The following PRDM16 variants were observed in gnomAD, a reference collection of about 807,000 sequenced individuals.
The protein encoded by PRDM16 is PR/SET domain 16.
A neutral mutation model predicts 110.6 loss-of-function variants in PRDM16; 23 were observed. That is an observed-to-expected ratio of 0.21 (90% CI 0.15 to 0.29). PRDM16 has a LOEUF of 0.29. Among genes scored for constraint, PRDM16 ranks in the 10% least tolerant of loss-of-function variants. The probability of loss-of-function intolerance (pLI) is 1.00; values close to 1 mark genes in which losing one functional copy is unlikely to be tolerated. For missense variants in PRDM16, 1,615 were observed against 1,794.3 expected, an observed-to-expected ratio of 0.90 and a Z score of 1.81; for synonymous variants, 799 against 781.8, an observed-to-expected ratio of 1.02 and a Z score of -0.37.
chr1:3,383,818 C>T (rs1643148101), intron 3 of PRDM16, among the ~76,000 whole-genome samples: 1 of 146,576 alleles, frequency 6.8e-6, no homozygotes, highest in Non-Finnish European at 1.5e-5. Flanking sequence ...CCCGCCCAGA[C>T]ACACCTGCTC....
intron 1 of PRDM16, among the ~76,000 whole-genome samples, chr1:3,071,557 A>C (rs1641761919): frequency 6.6e-6 from 1 of 152,214 alleles, no homozygotes; most frequent in East Asian, 1.9e-4. Flanking sequence ...TCAGGATCAC[A>C]CTGCCTGCCC....
In PRDM16 at chr1:3,195,262, G is replaced by A. The variant is rs866164390; in HGVS notation, c.387+8788G>A. On this transcript the variant is annotated intron_variant, in intron 2 of 16. Transcript: ENST00000270722. ...ACAGCACAGGCTTCCCATGTCCCCC[G>A]GCACCGTGACATCAGCCCTAGACGT... 5.3e-5 allele frequency among the ~76,000 whole-genome samples: 8 copies of A among 152,292 alleles called. No homozygotes were observed. In the East Asian group the frequency reaches 5.8e-4, roughly 11 times the overall value.
intron 3 of PRDM16, among the ~76,000 whole-genome samples, chr1:3,284,939 T>C (rs1387539645): frequency 2.0e-5 from 3 of 152,200 alleles, no homozygotes. Flanking sequence ...TCCTGGGCTG[T>C]AAGCCCTGAG....
Position 3,433,785 on chromosome 1 carries a change from G to A in PRDM16, c.3805G>A (p.Ala1269Thr), listed in dbSNP as rs1283509889. Residue 1269 changes from alanine (A) to threonine (T), a missense_variant, in exon 17 of 17, where the codon GCA becomes ACA. Coordinates refer to ENST00000270722, the MANE Select transcript of PRDM16 (RefSeq NM_022114.4). ...KVTGATSESGAFHPINHL is the reference protein window; with the variant it reads ...KVTGATSESGTFHPINHL ...CACTGGAGCCACGTCGGAGTCTGGA[G>A]CATTTCACCCCATCAACCACCTCTG... is the stretch of plus-strand genomic sequence containing the variant. 4 of 1,613,584 alleles carry A rather than the reference G, an allele frequency of 2.5e-6. No individual in the cohort carries two copies. The African/African-American group carries it at 5.3e-5, about 22-fold the overall frequency.
chr1:3,426,274 C>T (rs976413749), intron 14 of PRDM16, 49 bp downstream of exon 14: 24 of 1,536,396 alleles, frequency 1.6e-5, no homozygotes, highest in Non-Finnish European at 2.1e-5. Flanking sequence ...GGCCAACAGC[C>T]CTGCGTGGCC....
At chr1:3,147,722 T>C (rs1488518053) in intron 1 of PRDM16, among the ~76,000 whole-genome samples, 1 of 152,130 alleles carries the variant, frequency 6.6e-6, no homozygotes, top group Non-Finnish European at 1.5e-5. Context: ...AGGCCATCCA[T>C]ACCCTGGGCG....
intron 3 of PRDM16, among the ~76,000 whole-genome samples, chr1:3,357,565 A>G (rs1394117965): frequency 6.6e-6 from 1 of 151,072 alleles, no homozygotes; most frequent in Non-Finnish European, 1.5e-5. Context: ...CGTTCCCCCC[A>G]CGGGCCCCCA....
chr1:3,219,932 G>A (rs1004537069), intron 2 of PRDM16, among the ~76,000 whole-genome samples: 4 of 152,322 alleles, frequency 2.6e-5, no homozygotes, highest in African/African-American at 9.6e-5. Flanking sequence ...GACCCAGACC[G>A]GCGGAGTCTC....
chr1:3,130,766 T>C (rs1643316964), intron 1 of PRDM16, among the ~76,000 whole-genome samples: 1 of 151,108 alleles, frequency 6.6e-6, no homozygotes, highest in African/African-American at 2.4e-5. Flanking sequence ...CTGCATGGCC[T>C]TTTCCTTGGT....
chr1:3,098,192 G>A (rs1352058533), intron 1 of PRDM16, among the ~76,000 whole-genome samples: 2 of 152,168 alleles, frequency 1.3e-5, no homozygotes, highest in Non-Finnish European at 1.5e-5. Flanking sequence ...GGCCCTGAGA[G>A]TCCCTCCAGG....
At chr1:3,128,931 T>C (rs1430791321) in intron 1 of PRDM16, among the ~76,000 whole-genome samples, 2 of 152,130 alleles carry the variant, frequency 1.3e-5, no homozygotes, top group East Asian at 3.9e-4. Flanking sequence ...GCCGGCAGCC[T>C]TGGTTTCTTC....
intron 3 of PRDM16, among the ~76,000 whole-genome samples, chr1:3,292,433 C>CA (rs1211095921): frequency 6.6e-6 from 1 of 152,206 alleles, no homozygotes; most frequent in East Asian, 1.9e-4. Flanking sequence ...GCAAAGAACA[C>CA]AGAGAGATAA....
intron 1 of PRDM16, among the ~76,000 whole-genome samples, chr1:3,105,558 G>A (rs975990174): frequency 3.3e-5 from 5 of 152,202 alleles, no homozygotes; most frequent in Admixed American, 6.5e-5. Flanking sequence ...CTTTGTTCCC[G>A]GCATCCCCTC....
chr1:3,304,159 G>A (rs867811975), intron 3 of PRDM16, among the ~76,000 whole-genome samples: 4 of 149,022 alleles, frequency 2.7e-5, no homozygotes, highest in South Asian at 4.4e-4. Context: ...AGCGCAGGAG[G>A]CCGTGGGCTC....
At chr1:3,103,291 C>T (rs751359764) in intron 1 of PRDM16, among the ~76,000 whole-genome samples, 33 of 152,214 alleles carry the variant, frequency 2.2e-4, no homozygotes, top group Non-Finnish European at 4.3e-4. Context: ...CTGTCTTCTG[C>T]CTGTGTCTTC....
chr1:3,363,905 G>A (rs1569573876), intron 3 of PRDM16, among the ~76,000 whole-genome samples: 1 of 152,160 alleles, frequency 6.6e-6, no homozygotes, highest in East Asian at 1.9e-4. Context: ...GCCAAAGGCA[G>A]CACCTCCTGA....
chr1:3,280,185 C>T (rs779447621), intron 3 of PRDM16, among the ~76,000 whole-genome samples: 1 of 152,194 alleles, frequency 6.6e-6, no homozygotes, highest in Non-Finnish European at 1.5e-5. Flanking sequence ...CCGAGCTGGT[C>T]ACCAGCTTAG....
chr1:3,367,822 T>G (rs554573344), intron 3 of PRDM16, among the ~76,000 whole-genome samples: 1 of 152,324 alleles, frequency 6.6e-6, no homozygotes, highest in South Asian at 2.1e-4. Context: ...TTTGTTTTAA[T>G]TAAATGGGAT....
chr1:3,373,043 T>C lies in PRDM16; in HGVS notation c.439-12109T>C, dbSNP rs6688949. Among the ~76,000 whole-genome samples the C allele has an allele frequency of 0.4, 60,161 of 151,908 alleles. 12,575 individuals are homozygous for C. The highest frequency in any genetic ancestry group is 0.68 in the East Asian group (3,490 of 5,166). ...TATATCAGCAGCTTGGGCATCAAAC[T>C]CTCACCGCCGCAGGACCAGACATGG... On this transcript the variant is annotated intron_variant, in intron 3 of 16. Coordinates refer to ENST00000270722, the MANE Select transcript of PRDM16 (RefSeq NM_022114.4).
Sources: gnomAD v4.1 joint callset for allele counts (sites outside exome capture counted in the v4.1 genomes callset) on GRCh38, gnomAD v4.1.1 for gene constraint, MANE v1.5 for transcripts, NCBI Gene and HGNC (gene_info 2026-07-23, HGNC 2026-07-21) for gene names.